FRMD4A: variants seen among roughly 807,000 people sequenced by gnomAD.
FRMD4A encodes FERM domain-containing protein 4A.
FRMD4A carries 29 observed loss-of-function variants against 129.1 expected under a neutral mutation model. That is an observed-to-expected ratio of 0.22 (90% CI 0.17 to 0.31). The LOEUF (loss-of-function observed/expected upper bound fraction) is 0.31. Ranked by LOEUF, FRMD4A falls within the 10% of genes least tolerant of loss-of-function variation. The pLI, the probability that FRMD4A is intolerant of heterozygous loss-of-function variation, is 1.00. For synonymous variants in FRMD4A, 634 were observed against 571.6 expected (o/e 1.11, Z -1.56); for missense variants, 1,272 against 1,375.8 (o/e 0.92, Z 1.19).
At chr10:13,664,310 G>A (rs370949335) in intron 18 of FRMD4A, among the ~76,000 whole-genome samples, 1 of 152,146 alleles carries the variant, frequency 6.6e-6, no homozygotes, top group Non-Finnish European at 1.5e-5. Flanking sequence ...ACATGTTTCT[G>A]TTGGGAACCC....
chr10:14,134,396 G>C (rs1589049373), intron 2 of FRMD4A, among the ~76,000 whole-genome samples: 1 of 151,762 alleles, frequency 6.6e-6, no homozygotes, highest in Non-Finnish European at 1.5e-5. Flanking sequence ...TGGGTGAATG[G>C]GTGGATGGAT....
Position 14,045,060 on chromosome 10 carries a change from G to T in FRMD4A, c.46-186148C>A, listed in dbSNP as rs568589124. 5.9e-5 allele frequency among the ~76,000 whole-genome samples: 9 copies of T among 152,104 alleles called. No individual in the cohort carries two copies. In the East Asian group the frequency reaches 1.7e-3, roughly 29 times the overall value. On this transcript the variant is annotated intron_variant, in intron 2 of 24. Coordinates refer to ENST00000357447, the MANE Select transcript of FRMD4A (RefSeq NM_018027.5). ...TGGGACTACAGGCACCCACCACCGT[G>T]CCCAGCTAATTTTGCTTATTTTTGT...
chr10:14,256,785 C>G (rs369548819), intron 2 of FRMD4A, among the ~76,000 whole-genome samples: 1 of 151,994 alleles, frequency 6.6e-6, no homozygotes, highest in Non-Finnish European at 1.5e-5. Context: ...AAGTTTGAGA[C>G]CAGCCTGGGC....
At chr10:13,909,328 A>G (rs74121779) in intron 2 of FRMD4A, among the ~76,000 whole-genome samples, 4,652 of 152,298 alleles carry the variant, frequency 0.031, 230 homozygotes, top group African/African-American at 0.11. Flanking sequence ...TGCTTTCTGT[A>G]GGGTGTGTGT....
At chr10:14,129,153 G>A (rs980200055) in intron 2 of FRMD4A, among the ~76,000 whole-genome samples, 1 of 151,524 alleles carries the variant, frequency 6.6e-6, no homozygotes, top group Non-Finnish European at 1.5e-5. Context: ...ATGAACAGTG[G>A]CTTCCATCTC....
At chr10:14,274,262 C>T (rs184193008) in intron 2 of FRMD4A, among the ~76,000 whole-genome samples, 2 of 152,276 alleles carry the variant, frequency 1.3e-5, no homozygotes, top group Non-Finnish European at 2.9e-5. Flanking sequence ...CAGAACTTGA[C>T]GACAACTCTC....
intron 8 of FRMD4A, among the ~76,000 whole-genome samples, chr10:13,751,080 G>A (rs1012865596): frequency 1.3e-5 from 2 of 152,320 alleles, no homozygotes; most frequent in East Asian, 1.9e-4. Flanking sequence ...CCATGAGAAA[G>A]GCAATTAGTG....
chr10:13,793,163 C>G (rs944070717), intron 5 of FRMD4A, among the ~76,000 whole-genome samples: 7 of 151,016 alleles, frequency 4.6e-5, no homozygotes, highest in African/African-American at 1.7e-4. Flanking sequence ...TTTCCATGAC[C>G]CTCTGTTTCT....
chr10:13,780,433 T>C (rs2092705751), intron 6 of FRMD4A, among the ~76,000 whole-genome samples: 1 of 152,190 alleles, frequency 6.6e-6, no homozygotes, highest in South Asian at 2.1e-4. Flanking sequence ...TGTAGGCATT[T>C]TGGGTCATCC....
intron 2 of FRMD4A, among the ~76,000 whole-genome samples, chr10:14,122,396 T>C (rs1456294543): frequency 2.0e-5 from 3 of 152,174 alleles, no homozygotes; most frequent in Non-Finnish European, 4.4e-5. Flanking sequence ...TGTATTAGTC[T>C]AGTCTCGCAT....
At chr10:14,086,198 T>C (rs1383182825) in intron 2 of FRMD4A, among the ~76,000 whole-genome samples, 2 of 152,232 alleles carry the variant, frequency 1.3e-5, no homozygotes, top group African/African-American at 4.8e-5. Context: ...AATTTAATTA[T>C]CTGTTTAACT....
At chr10:14,329,427 T>C (rs539343834) in intron 2 of FRMD4A, among the ~76,000 whole-genome samples, 23 of 151,984 alleles carry the variant, frequency 1.5e-4, no homozygotes, top group Non-Finnish European at 2.4e-4. Context: ...AGGGCTTTCT[T>C]AATATGGTGA....
chr10:13,903,627 C>T (rs1203349589), intron 2 of FRMD4A, among the ~76,000 whole-genome samples: 1 of 151,050 alleles, frequency 6.6e-6, no homozygotes, highest in East Asian at 1.9e-4. Context: ...GTCCCAGCTA[C>T]TCAGGAGGCT....
At chr10:13,710,181 G>C (rs1163677748) in intron 12 of FRMD4A, among the ~76,000 whole-genome samples, 3 of 152,278 alleles carry the variant, frequency 2.0e-5, no homozygotes, top group Non-Finnish European at 4.4e-5. Flanking sequence ...CCCTCCAAGA[G>C]AAGGAAAGAA....
chr10:13,980,763 A>C (rs2095557759), intron 2 of FRMD4A, among the ~76,000 whole-genome samples: 2 of 152,206 alleles, frequency 1.3e-5, no homozygotes, highest in African/African-American at 4.8e-5. Flanking sequence ...TAAATTAAAA[A>C]AATTGTTCGT....
intron 2 of FRMD4A, among the ~76,000 whole-genome samples, chr10:14,305,528 T>C (rs551152677): frequency 6.6e-6 from 1 of 152,302 alleles, no homozygotes; most frequent in South Asian, 2.1e-4. Flanking sequence ...TAGAATAATA[T>C]ACTCGCTAAT....
chr10:13,879,938 G>A (rs1375205428), intron 2 of FRMD4A, among the ~76,000 whole-genome samples: 10 of 151,802 alleles, frequency 6.6e-5, no homozygotes, highest in Admixed American at 4.6e-4. Flanking sequence ...GAGCCACCAC[G>A]CTTGGCTGTT....
At chr10:13,942,569 T>C (rs548552596) in intron 2 of FRMD4A, among the ~76,000 whole-genome samples, 1 of 152,346 alleles carries the variant, frequency 6.6e-6, no homozygotes, top group African/African-American at 2.4e-5. Flanking sequence ...TTGTTTTACA[T>C]CATTTTAAAA....
chr10:13,987,760 G>A (rs978321362), intron 2 of FRMD4A, among the ~76,000 whole-genome samples: 1 of 152,194 alleles, frequency 6.6e-6, no homozygotes. Context: ...GAACACAAAT[G>A]TTGCTGATTC....
Sources: gnomAD v4.1 joint callset for allele counts (sites outside exome capture counted in the v4.1 genomes callset) on GRCh38, gnomAD v4.1.1 for gene constraint, MANE v1.5 for transcripts, NCBI Gene and HGNC (gene_info 2026-07-23, HGNC 2026-07-21) for gene names.